Variants in EML4 observed in about 807,000 individuals in gnomAD.
EML4 encodes EMAP like 4.
A neutral mutation model predicts 129.0 loss-of-function variants in EML4; 72 were observed. The ratio of observed to expected loss-of-function variants is 0.56; its 90% CI spans 0.46 to 0.68. EML4 has a LOEUF of 0.68. EML4 is among the 30% of genes least tolerant of loss of function. The pLI is 0.00. For synonymous variants in EML4, 532 were observed against 405.0 expected (o/e 1.31, Z -3.77); for missense variants, 1,363 against 1,190.6 (o/e 1.14, Z -2.13).
At chr2:42,285,142 C>T (rs751636295) in intron 9 of EML4, among the ~76,000 whole-genome samples, 4 of 151,978 alleles carry the variant, frequency 2.6e-5, no homozygotes, top group Non-Finnish European at 4.4e-5. Context: ...CTCCTGGGCT[C>T]AAGTGATCCT....
At chr2:42,251,878 A>G (rs1675790894) in intron 2 of EML4, among the ~76,000 whole-genome samples, 1 of 152,176 alleles carries the variant, frequency 6.6e-6, no homozygotes, top group African/African-American at 2.4e-5. Flanking sequence ...CTTTTGGCAT[A>G]TATATTTGTT....
intron 1 of EML4, among the ~76,000 whole-genome samples, chr2:42,195,075 T>A (rs1337734283): frequency 1.3e-5 from 2 of 152,224 alleles, no homozygotes; most frequent in Admixed American, 6.5e-5. Flanking sequence ...GTTCATTGAT[T>A]ATAGAAGCTG....
At chr2:42,198,184 G>A (rs1235475783) in intron 1 of EML4, among the ~76,000 whole-genome samples, 1 of 152,146 alleles carries the variant, frequency 6.6e-6, no homozygotes, top group Non-Finnish European at 1.5e-5. Flanking sequence ...AACTTCTTAA[G>A]GGAGATAGAG....
rs79617190 is a variant in EML4 at position 42,314,817 on chromosome 2, G to T, written c.1968-1145G>T. ...GTTCCCATCTTTGCTTTATATCCCTGGTCTTACCACGCTCTTCTGAAGTAC... is the reference window on the plus strand; with the variant it reads ...GTTCCCATCTTTGCTTTATATCCCTTGTCTTACCACGCTCTTCTGAAGTAC... On this transcript the variant is annotated intron_variant, in intron 17 of 22. Transcript: ENST00000318522. 2.1e-3 allele frequency among the ~76,000 whole-genome samples: 315 copies of T among 152,086 alleles called. 2 individuals are homozygous for T. Among genetic ancestry groups the T allele is most frequent in the African/African-American group, 7.3e-3 (304 of 41,468 alleles).
chr2:42,287,825 T>C (rs1667394314), intron 10 of EML4, among the ~76,000 whole-genome samples: 1 of 152,150 alleles, frequency 6.6e-6, no homozygotes, highest in Non-Finnish European at 1.5e-5. Context: ...CTGTCAAAAT[T>C]TAGTGAGGAA....
chr2:42,172,146 G>T (rs998340682), intron 1 of EML4, among the ~76,000 whole-genome samples: 6 of 151,958 alleles, frequency 3.9e-5, no homozygotes, highest in Non-Finnish European at 7.4e-5. Flanking sequence ...GGAAGTATGT[G>T]TGTATTTCCT....
At chr2:42,197,555 C>A in intron 1 of EML4, among the ~76,000 whole-genome samples, 1 of 148,374 alleles carries the variant, frequency 6.7e-6, no homozygotes. Flanking sequence ...AAATCCAAAA[C>A]AATAGTCTTC....
At chr2:42,185,338 C>T (rs191964366) in intron 1 of EML4, among the ~76,000 whole-genome samples, 4 of 152,248 alleles carry the variant, frequency 2.6e-5, no homozygotes, top group East Asian at 3.9e-4. Context: ...GGAACACAGC[C>T]GTACTCATTG....
At chr2:42,182,279 G>C (rs1223572975) in intron 1 of EML4, among the ~76,000 whole-genome samples, 4 of 151,196 alleles carry the variant, frequency 2.6e-5, no homozygotes, top group Non-Finnish European at 5.9e-5. Context: ...TCTAGCATTA[G>C]GTATATCTCC....
intron 1 of EML4, among the ~76,000 whole-genome samples, chr2:42,222,514 G>A (rs1177291371): frequency 6.6e-6 from 1 of 152,082 alleles, no homozygotes; most frequent in African/African-American, 2.4e-5. Flanking sequence ...CTTTTGTGCT[G>A]CCACAGCAGA....
Position 42,259,722 on chromosome 2 carries a change from C to CTTTTT in EML4, c.339-1378_339-1374dup, listed in dbSNP as rs780243101. On this transcript the variant is annotated intron_variant, in intron 3 of 22. Coordinates refer to ENST00000318522, the MANE Select transcript of EML4 (RefSeq NM_019063.5). ...TTTCTATGATTTTGTTTCTTTCTTT[C>CTTTTT]TTTTTTTTTTTTTTTTTTTTTTTTT... Among the ~76,000 whole-genome samples, 254 of 98,304 alleles carry CTTTTT rather than the reference C, an allele frequency of 2.6e-3. 1 individual carries two copies. Among genetic ancestry groups the CTTTTT allele is most frequent in the African/African-American group, 3.0e-3 (71 of 23,296 alleles). 64.5% of individuals were successfully genotyped at this position (98,304 alleles called of 152,430 possible).
intron 1 of EML4, among the ~76,000 whole-genome samples, chr2:42,213,227 G>A (rs1456251357): frequency 6.6e-6 from 1 of 152,098 alleles, no homozygotes; most frequent in Admixed American, 6.6e-5. Context: ...AATCCCAGAA[G>A]CTCCTTGGTG....
At chr2:42,271,092 C>T (rs1331254410) in intron 6 of EML4, among the ~76,000 whole-genome samples, 1 of 152,190 alleles carries the variant, frequency 6.6e-6, no homozygotes, top group East Asian at 1.9e-4. Context: ...CAAGGTTTCG[C>T]CATGTTGCCC....
chr2:42,179,983 A>G (rs1264524156), intron 1 of EML4, among the ~76,000 whole-genome samples: 1 of 152,230 alleles, frequency 6.6e-6, no homozygotes, highest in Non-Finnish European at 1.5e-5. Context: ...ATGTGTGTAA[A>G]TAAAGCCAAC....
intron 1 of EML4, among the ~76,000 whole-genome samples, chr2:42,244,808 A>G (rs1041868577): frequency 6.6e-6 from 1 of 152,110 alleles, no homozygotes. Flanking sequence ...TTCATAGAGA[A>G]CTGTGATAAT....
At chr2:42,206,651 CTG>C (rs1558501814) in intron 1 of EML4, among the ~76,000 whole-genome samples, 1 of 152,106 alleles carries the variant, frequency 6.6e-6, no homozygotes, top group Non-Finnish European at 1.5e-5. Context: ...ATTTTGTAGG[CTG>C]TCTCTCAATT....
rs548996210 is a variant in EML4 at position 42,214,596 on chromosome 2, G to A, written c.26-30909G>A. Among the ~76,000 whole-genome samples, 3 of 152,236 alleles carry A rather than the reference G, an allele frequency of 2.0e-5. No homozygotes were observed. The East Asian group carries it at 5.8e-4, about 29-fold the overall frequency. ...AGTGGATTAAAACAACAATTTTGTT[G>A]TTATATCCAGCATTATTGTGGGTCA... On this transcript the variant is annotated intron_variant, in intron 1 of 22. Coordinates refer to ENST00000318522, the MANE Select transcript of EML4 (RefSeq NM_019063.5).
At chr2:42,208,544 C>G (rs1672696558) in intron 1 of EML4, among the ~76,000 whole-genome samples, 1 of 151,256 alleles carries the variant, frequency 6.6e-6, no homozygotes, top group Admixed American at 6.6e-5. Context: ...AAGCTATTCT[C>G]CTGCCTCAGC....
Position 42,295,085 on chromosome 2 carries a change from G to A in EML4, c.1219-40G>A, listed in dbSNP as rs773448984. 3.2e-6 allele frequency: 5 copies of A among 1,561,830 alleles called. No individual in the cohort carries two copies. The Admixed American group carries it at 9.7e-5, about 30-fold the overall frequency. On this transcript the variant is annotated intron_variant, in intron 11 of 22. Transcript: ENST00000318522. ...TTGAATTGATACTTGAAGGAGATAA[G>A]GATATACATTCATCTAAAGCTTTAT...
Sources: allele counts gnomAD v4.1 joint callset (sites outside exome capture counted in the v4.1 genomes callset), GRCh38; gene constraint gnomAD v4.1.1; transcripts MANE v1.5; gene names NCBI Gene and HGNC (gene_info 2026-07-23, HGNC 2026-07-21).